Variants in NEURL1B observed in about 807,000 individuals in gnomAD.
NEURL1B encodes the protein E3 ubiquitin-protein ligase NEURL1B.
A neutral mutation model predicts 37.4 loss-of-function variants in NEURL1B; 13 were observed. The observed-to-expected ratio is 0.35, with a 90% CI of 0.23 to 0.55. The LOEUF (loss-of-function observed/expected upper bound fraction) is 0.55. Among genes scored for constraint, NEURL1B ranks in the 20% least tolerant of loss-of-function variants. NEURL1B has a pLI of 0.89. For missense variants in NEURL1B, 790 were observed against 879.2 expected, an observed-to-expected ratio of 0.90 and a Z score of 1.28; for synonymous variants, 432 against 426.6, an observed-to-expected ratio of 1.01 and a Z score of -0.16.
intron 3 of NEURL1B, 79 bp downstream of exon 3, chr5:172,684,217 G>GGCCCCGCCCCTCTCGCTAGGCGCT: frequency 1.0e-6 from 1 of 959,474 alleles, no homozygotes. Context: ...GCTCTTCCCC[G>GGCCCCGCCCCTCTCGCTAGGCGCT]GCCCCGCCCC....
At position 172,679,029 on chromosome 5, in the gene NEURL1B, G is replaced by A. The variant is rs1276686970; in HGVS notation, c.578-4390G>A. Among the ~76,000 whole-genome samples the A allele has an allele frequency of 1.3e-5, 2 of 152,258 alleles. 1 individual carries two copies. The highest frequency in any genetic ancestry group is 4.1e-4 in the South Asian group (2 of 4,834). ...TCGTACCTGACTGGGGACTGCTGCA[G>A]TGTGTTGGTACTCAGTGGCTATTCA... is the stretch of plus-strand genomic sequence containing the variant. On this transcript the variant is annotated intron_variant, in intron 2 of 4. Coordinates refer to ENST00000369800, the MANE Select transcript of NEURL1B (RefSeq NM_001142651.3).
intron 2 of NEURL1B, among the ~76,000 whole-genome samples, chr5:172,678,467 C>T (rs897883953): frequency 1.3e-5 from 2 of 152,212 alleles, no homozygotes; most frequent in Non-Finnish European, 2.9e-5. Flanking sequence ...TGCTCGGACA[C>T]AACTCTTGAA....
intron 2 of NEURL1B, among the ~76,000 whole-genome samples, chr5:172,671,071 A>C (rs1307983918): frequency 6.6e-6 from 1 of 152,176 alleles, no homozygotes; most frequent in African/African-American, 2.4e-5. Context: ...ACATAATAGA[A>C]CAGCAACCAT....
intron 1 of NEURL1B, among the ~76,000 whole-genome samples, chr5:172,655,286 G>T (rs1018376732): frequency 6.6e-6 from 1 of 151,906 alleles, no homozygotes; most frequent in East Asian, 1.9e-4. Context: ...GCCCTGGAAG[G>T]CTCAACCCCT....
At chr5:172,664,205 G>A (rs753083115) in intron 1 of NEURL1B, among the ~76,000 whole-genome samples, 2 of 152,132 alleles carry the variant, frequency 1.3e-5, no homozygotes, top group African/African-American at 4.8e-5. Flanking sequence ...GAAAAAGCAC[G>A]GGCTTGAGGT....
intron 3 of NEURL1B, among the ~76,000 whole-genome samples, chr5:172,684,997 A>T (rs189082349): frequency 1.3e-5 from 2 of 152,346 alleles, no homozygotes; most frequent in East Asian, 3.9e-4. Flanking sequence ...CTTTGACTCT[A>T]TTGAAATCAG....
At chr5:172,684,261 C>T in intron 3 of NEURL1B, 123 bp downstream of exon 3, 4 of 899,228 alleles carry the variant, frequency 4.4e-6, no homozygotes, top group South Asian at 5.7e-5. Context: ...GAGGCCAGCC[C>T]GCGGTTCCCA....
intron 1 of NEURL1B, 121 bp from the exon 2 acceptor site, chr5:172,669,664 T>G: frequency 2.6e-6 from 2 of 779,266 alleles, no homozygotes; most frequent in Non-Finnish European, 3.4e-6. Flanking sequence ...CTTCTTAAGT[T>G]TATCAGTAAC....
rs1757574582 is a variant in NEURL1B at position 172,647,090 on chromosome 5, A to G, written c.31+5653A>G. On this transcript the variant is annotated intron_variant, in intron 1 of 4. Coordinates refer to ENST00000369800, the MANE Select transcript of NEURL1B (RefSeq NM_001142651.3). The surrounding 1 kb of genome is among the most constrained non-coding windows in gnomAD (Gnocchi z 4.2). ...AGCATTTTCCCTGGGCTGGACCTCA[A>G]GGGCCGCTCAGAACAGGCTGTTTAA... Among the ~76,000 whole-genome samples the G allele has an allele frequency of 6.6e-6, 1 of 152,196 alleles. No individual in the cohort carries two copies.
rs1757902530 is a variant in NEURL1B, at chr5:172,661,510, T to C, written c.32-8275T>C. ...ACCCTCAGTTTCCTCATCTGGGAAATCAAGGTGGTAAAACCCACTCTGCAG... is the reference window on the plus strand; with the variant it reads ...ACCCTCAGTTTCCTCATCTGGGAAACCAAGGTGGTAAAACCCACTCTGCAG... On this transcript the variant is annotated intron_variant, in intron 1 of 4. Transcript: ENST00000369800. The surrounding 1 kb of genome is among the most constrained non-coding windows in gnomAD (Gnocchi z 4.0). Among the ~76,000 whole-genome samples the C allele has an allele frequency of 6.6e-6, 1 of 152,116 alleles. No individual in the cohort carries two copies. The highest frequency in any genetic ancestry group is 1.5e-5 in the Non-Finnish European group (1 of 68,012).
In NEURL1B at chr5:172,686,358, T is replaced by C; in HGVS notation, c.1423+62T>C. 1 of 1,519,346 alleles carries C rather than the reference T, an allele frequency of 6.6e-7. No homozygotes were observed. Among genetic ancestry groups the C allele is most frequent in the East Asian group, 2.5e-5 (1 of 40,778 alleles). The allele number at this position is 1,519,346 out of a possible 1,614,324, so 94.1% of individuals were successfully genotyped here. A position where few individuals can be genotyped will look rare whatever the true frequency, so the allele number is the denominator to read the frequency against. On this transcript the variant is annotated intron_variant, in intron 4 of 4. Coordinates refer to ENST00000369800, the MANE Select transcript of NEURL1B (RefSeq NM_001142651.3). The surrounding 1 kb of genome is among the most constrained non-coding windows in gnomAD (Gnocchi z 7.9). ...GCGGCTGGCCTGGCTCCTCCGGCTG[T>C]GCCAGTGGCCTTCCAGGGACTGAGC...
intron 2 of NEURL1B, among the ~76,000 whole-genome samples, chr5:172,673,417 C>T (rs1758168938): frequency 6.6e-6 from 1 of 152,114 alleles, no homozygotes; most frequent in Admixed American, 6.6e-5. Flanking sequence ...TTTAGAGCTG[C>T]TCAGTTGTAA....
chr5:172,674,261 C>T (rs369322688), intron 2 of NEURL1B, among the ~76,000 whole-genome samples: 4 of 152,274 alleles, frequency 2.6e-5, no homozygotes, highest in East Asian at 1.9e-4. Flanking sequence ...TATTTGCCCT[C>T]GAGCCAAAGT....
chr5:172,687,256 AGAAGG>A lies in NEURL1B; in HGVS notation c.*333_*337del, dbSNP rs1214207219. Reference sequence around the variant, plus strand: ...TTGCTGGGGTTGGGTTGAGTGTGAGAGAAGGGGAGGGGAGGGAGGGAGAACAGAGA... The same window carrying A: ...TTGCTGGGGTTGGGTTGAGTGTGAGAGGAGGGGAGGGAGGGAGAACAGAGA... On this transcript the variant is annotated 3_prime_UTR_variant, in exon 5 of 5. Transcript: ENST00000369800. The A allele has an allele frequency of 6.7e-6, 1 of 150,012 alleles. No homozygotes were observed. The highest frequency in any genetic ancestry group is 6.7e-5 in the Admixed American group (1 of 14,840). The allele number at this position is 150,012 out of a possible 1,614,324, so 9.3% of individuals were successfully genotyped here.
At chr5:172,664,928 G>T (rs901065073) in intron 1 of NEURL1B, among the ~76,000 whole-genome samples, 1 of 152,112 alleles carries the variant, frequency 6.6e-6, no homozygotes, top group Non-Finnish European at 1.5e-5. Flanking sequence ...TTACTTGGCC[G>T]CATTTTATCC....
At chr5:172,653,933 A>T (rs1330196586) in intron 1 of NEURL1B, among the ~76,000 whole-genome samples, 1 of 152,176 alleles carries the variant, frequency 6.6e-6, no homozygotes, top group South Asian at 2.1e-4. Flanking sequence ...TTAAACAACC[A>T]GTTATTTTAG....
chr5:172,678,548 CAGTA>C (rs1323689866), intron 2 of NEURL1B, among the ~76,000 whole-genome samples: 8 of 151,096 alleles, frequency 5.3e-5, no homozygotes, highest in Non-Finnish European at 1.0e-4. Context: ...TGGCCATTGG[CAGTA>C]AGTGACACCA....
In NEURL1B at chr5:172,683,318, T is replaced by C; in HGVS notation, c.578-101T>C. ...GGGTGGGGGCTGCTCGAGGCCCGGGTCGGTCGTGGAGGCCTGCAGGAGGCA... is the reference window on the plus strand; with the variant it reads ...GGGTGGGGGCTGCTCGAGGCCCGGGCCGGTCGTGGAGGCCTGCAGGAGGCA... On this transcript the variant is annotated intron_variant, in intron 2 of 4. Transcript: ENST00000369800. The surrounding 1 kb of genome is among the most constrained non-coding windows in gnomAD (Gnocchi z 5.6). 1 of 1,227,434 alleles carries C rather than the reference T, an allele frequency of 8.1e-7. No individual in the cohort carries two copies. The highest frequency in any genetic ancestry group is 1.0e-6 in the Non-Finnish European group (1 of 978,404). The allele number at this position is 1,227,434 out of a possible 1,614,324, so 76.0% of individuals were successfully genotyped here.
In NEURL1B at chr5:172,676,264, T is replaced by A. The variant is rs897640582; in HGVS notation, c.577+5934T>A. ...GGGACCCAAAGAACTGCACCTGGAATACTTGTCTGTCTTCATTTCTCATTT... is the reference window on the plus strand; with the variant it reads ...GGGACCCAAAGAACTGCACCTGGAAAACTTGTCTGTCTTCATTTCTCATTT... On this transcript the variant is annotated intron_variant, in intron 2 of 4. Coordinates refer to ENST00000369800, the MANE Select transcript of NEURL1B (RefSeq NM_001142651.3). This position sits in a 1 kb window ranked among gnomAD's most constrained non-coding sequence, Gnocchi z 4.5. 2.6e-5 allele frequency among the ~76,000 whole-genome samples: 4 copies of A among 152,162 alleles called. No homozygotes were observed. Among genetic ancestry groups the A allele is most frequent in the Non-Finnish European group, 5.9e-5 (4 of 68,034 alleles).
Sources: allele counts gnomAD v4.1 joint callset (sites outside exome capture counted in the v4.1 genomes callset), GRCh38; gene constraint gnomAD v4.1.1; non-coding constraint Gnocchi (gnomAD v3.1); transcripts MANE v1.5; gene names NCBI Gene and HGNC (gene_info 2026-07-23, HGNC 2026-07-21).